The following RPS6KC1 variants were observed in gnomAD, a reference collection of about 807,000 sequenced individuals.
The protein encoded by RPS6KC1 is inactive ribosomal protein S6 kinase delta-1.
A neutral mutation model predicts 103.8 loss-of-function variants in RPS6KC1; 54 were observed. The observed-to-expected ratio is 0.52, with a 90% CI of 0.42 to 0.65. The LOEUF is 0.65. RPS6KC1 is among the 30% of genes least tolerant of loss of function. The pLI is 0.00. For missense variants in RPS6KC1, 1,151 were observed against 1,253.8 expected, an observed-to-expected ratio of 0.92 and a Z score of 1.24; for synonymous variants, 439 against 438.7, an observed-to-expected ratio of 1.00 and a Z score of -0.01.
chr1:213,207,110 G>GTA (rs951426871), intron 8 of RPS6KC1, among the ~76,000 whole-genome samples: 30 of 151,772 alleles, frequency 2.0e-4, no homozygotes, highest in Admixed American at 6.6e-4. Context: ...CTCACTATAT[G>GTA]TATATATATA....
At chr1:213,477,349 TA>T in the RPS6KC1 span, among the ~76,000 whole-genome samples, 3 of 149,944 alleles carry the variant, frequency 2.0e-5, no homozygotes, top group Admixed American at 6.6e-5. Flanking sequence ...GTTATACCCT[TA>T]TTTTTTTTTT....
At chr1:213,627,132 G>C in the RPS6KC1 span, among the ~76,000 whole-genome samples, 5 of 152,104 alleles carry the variant, frequency 3.3e-5, no homozygotes, top group Non-Finnish European at 7.3e-5. Context: ...TCCTTGAAGA[G>C]GTCCTTCACG....
At chr1:213,288,078 G>A in the RPS6KC1 span, among the ~76,000 whole-genome samples, 1 of 152,182 alleles carries the variant, frequency 6.6e-6, no homozygotes, top group Non-Finnish European at 1.5e-5. Flanking sequence ...AGAGTGAGGC[G>A]GATGATCCTA....
the RPS6KC1 span, chr1:213,840,025 A>G: frequency 6.6e-6 from 1 of 152,166 alleles, no homozygotes; most frequent in Non-Finnish European, 1.5e-5. Context: ...CAGCAAGTGG[A>G]CAATACATCG....
chr1:213,354,458 T>C, the RPS6KC1 span, among the ~76,000 whole-genome samples: 1 of 152,224 alleles, frequency 6.6e-6, no homozygotes, highest in South Asian at 2.1e-4. Flanking sequence ...GAGATATTTT[T>C]ATTCTGATGA....
chr1:213,624,988 T>C, the RPS6KC1 span, among the ~76,000 whole-genome samples: 1 of 152,034 alleles, frequency 6.6e-6, no homozygotes, highest in African/African-American at 2.4e-5. Flanking sequence ...TTATTTTGTT[T>C]TGTTTCTTTT....
the RPS6KC1 span, among the ~76,000 whole-genome samples, chr1:213,588,233 C>T: frequency 1.3e-5 from 2 of 152,032 alleles, no homozygotes; most frequent in South Asian, 2.1e-4. Context: ...TCTTTTATCA[C>T]GGCACTAATC....
chr1:213,466,188 TTA>T, the RPS6KC1 span, among the ~76,000 whole-genome samples: 1 of 152,226 alleles, frequency 6.6e-6, no homozygotes, highest in Non-Finnish European at 1.5e-5. Context: ...TTGTTTTTAT[TTA>T]TATAGTTATA....
At chr1:213,234,524 G>GT (rs1369935585) in intron 10 of RPS6KC1, among the ~76,000 whole-genome samples, 1 of 152,178 alleles carries the variant, frequency 6.6e-6, no homozygotes, top group African/African-American at 2.4e-5. Flanking sequence ...TCATTTGAAT[G>GT]TAAGATACAG....
At chr1:213,258,474 C>T (rs1558647086) in intron 12 of RPS6KC1, among the ~76,000 whole-genome samples, 1 of 152,146 alleles carries the variant, frequency 6.6e-6, no homozygotes, top group Non-Finnish European at 1.5e-5. Context: ...CTGATTTTAG[C>T]TTCACATAAT....
chr1:213,591,024 C>T, the RPS6KC1 span, among the ~76,000 whole-genome samples: 1 of 152,164 alleles, frequency 6.6e-6, no homozygotes, highest in Non-Finnish European at 1.5e-5. Context: ...TGCATCCCTT[C>T]CCCATGAGCT....
At chr1:213,388,049 C>A in the RPS6KC1 span, among the ~76,000 whole-genome samples, 3 of 152,252 alleles carry the variant, frequency 2.0e-5, no homozygotes, top group African/African-American at 7.2e-5. Flanking sequence ...GCTGAGTTGT[C>A]CCCCCAACTG....
At chr1:213,539,126 T>C in the RPS6KC1 span, among the ~76,000 whole-genome samples, 1 of 152,208 alleles carries the variant, frequency 6.6e-6, no homozygotes, top group Admixed American at 6.5e-5. Context: ...AAGGCAGGCC[T>C]GTTTCTTTTT....
the RPS6KC1 span, among the ~76,000 whole-genome samples, chr1:213,594,878 T>C: frequency 6.6e-6 from 1 of 151,920 alleles, no homozygotes; most frequent in East Asian, 1.9e-4. Context: ...GTGGAGAGGA[T>C]GTCAAAGTGA....
intron 6 of RPS6KC1, among the ~76,000 whole-genome samples, chr1:213,131,798 A>C (rs1194040095): frequency 6.6e-6 from 1 of 152,082 alleles, no homozygotes; most frequent in Non-Finnish European, 1.5e-5. Flanking sequence ...ATATCTATTC[A>C]TTTTTATTCT....
At chr1:213,307,875 C>T in the RPS6KC1 span, among the ~76,000 whole-genome samples, 13 of 152,168 alleles carry the variant, frequency 8.5e-5, no homozygotes, top group Non-Finnish European at 1.8e-4. Flanking sequence ...CCTCTCTTGG[C>T]TCCCCCAGTC....
At chr1:213,522,483 C>T in the RPS6KC1 span, among the ~76,000 whole-genome samples, 1 of 152,168 alleles carries the variant, frequency 6.6e-6, no homozygotes, top group Admixed American at 6.5e-5. Context: ...AGAGAGTCAG[C>T]CTGTGTTTTG....
chr1:213,673,788 C>T, the RPS6KC1 span, among the ~76,000 whole-genome samples: 2 of 152,154 alleles, frequency 1.3e-5, no homozygotes, highest in Admixed American at 6.5e-5. Context: ...TTCCTTTCTT[C>T]AATCTTATCC....
At chr1:213,807,600 G>A in the RPS6KC1 span, among the ~76,000 whole-genome samples, 2 of 151,986 alleles carry the variant, frequency 1.3e-5, no homozygotes, top group Admixed American at 6.6e-5. Flanking sequence ...CATTCTTCAC[G>A]TAGTTCTTGA....
Sources: gnomAD v4.1 joint callset for allele counts (sites outside exome capture counted in the v4.1 genomes callset) on GRCh38, gnomAD v4.1.1 for gene constraint, MANE v1.5 for transcripts, NCBI Gene and HGNC (gene_info 2026-07-23, HGNC 2026-07-21) for gene names.